Variants in RNF6 observed in about 807,000 individuals in gnomAD.
The protein encoded by RNF6 is E3 ubiquitin-protein ligase RNF6.
Under a neutral mutation model 50.1 loss-of-function variants are expected in RNF6, and 21 were observed. That is an observed-to-expected ratio of 0.42 (90% CI 0.30 to 0.60). The LOEUF (loss-of-function observed/expected upper bound fraction) is 0.60. RNF6 is among the 20% of genes least tolerant of loss of function. The pLI is 0.20. For missense variants in RNF6, 698 were observed against 838.2 expected (o/e 0.83, Z 2.07); for synonymous variants, 255 against 291.8 (o/e 0.87, Z 1.29).
chr13:26,136,430 A>G (rs1870649563), intron 5 of RNF6, among the ~76,000 whole-genome samples: 1 of 152,184 alleles, frequency 6.6e-6, no homozygotes, highest in African/African-American at 2.4e-5. Flanking sequence ...AGCAGACAAA[A>G]CTACACTTGA....
intron 5 of RNF6, among the ~76,000 whole-genome samples, chr13:26,187,635 A>G (rs1243285841): frequency 1.3e-5 from 2 of 152,204 alleles, no homozygotes; most frequent in African/African-American, 4.8e-5. Flanking sequence ...CCAAGGTCTT[A>G]TTGCCAATCA....
intron 5 of RNF6, among the ~76,000 whole-genome samples, chr13:26,163,824 G>C (rs1266475227): frequency 6.6e-6 from 1 of 152,150 alleles, no homozygotes; most frequent in African/African-American, 2.4e-5. Context: ...TTTGGAAAAT[G>C]GATTTTGAGA....
chr13:26,168,630 A>G (rs1284125379), intron 5 of RNF6, among the ~76,000 whole-genome samples: 2 of 152,204 alleles, frequency 1.3e-5, no homozygotes, highest in African/African-American at 4.8e-5. Context: ...TAGCCAGCTC[A>G]TCCTCTCCTT....
exon 6 of RNF6, chr13:26,132,248 G>A: frequency 3.4e-6 from 1 of 290,398 alleles, no homozygotes. Flanking sequence ...AATGTAATCA[G>A]TTGACAAAAC....
intron 5 of RNF6, among the ~76,000 whole-genome samples, chr13:26,153,447 C>T (rs192256419): frequency 3.6e-4 from 55 of 152,132 alleles, no homozygotes; most frequent in Middle Eastern, 3.4e-3. Flanking sequence ...CTCTTGACCC[C>T]GTGATCCACC....
In RNF6 at chr13:26,214,779, G is replaced by C; in HGVS notation, c.1103C>G (p.Ser368Cys). 1 of 1,614,178 alleles carries C rather than the reference G, an allele frequency of 6.2e-7. No individual in the cohort carries two copies. The highest frequency in any genetic ancestry group is 1.1e-5 in the South Asian group (1 of 91,084). Reference protein sequence around the residue: ...ERRGTAYTPFSNSRLVSRITV... With the variant: ...ERRGTAYTPFCNSRLVSRITV... ...TATTCTTGACACAAGCCTTGAATTA[G>C]AGAATGGGGTATATGCAGTACCTCT... The change falls in exon 5 of 5, where the codon TCT (serine) becomes TGT (cysteine). Residue 368 changes from serine (S) to cysteine (C), a missense_variant. By Grantham distance (112) the Ser-to-Cys change is moderately radical (BLOSUM62 -1). Coordinates refer to ENST00000381588, the MANE Select transcript of RNF6 (RefSeq NM_005977.4).
At chr13:26,141,394 C>A (rs1870940373) in intron 5 of RNF6, among the ~76,000 whole-genome samples, 3 of 148,164 alleles carry the variant, frequency 2.0e-5, no homozygotes, top group Admixed American at 6.8e-5. Flanking sequence ...TGCCACTGCA[C>A]TCCAGCCTGG....
At chr13:26,205,317 C>G (rs1412861862) in intron 5 of RNF6, among the ~76,000 whole-genome samples, 1 of 152,124 alleles carries the variant, frequency 6.6e-6, no homozygotes, top group African/African-American at 2.4e-5. Context: ...TTCTAACCAG[C>G]CACATGACCT....
At chr13:26,186,844 C>T (rs12430305) in intron 5 of RNF6, among the ~76,000 whole-genome samples, 2,718 of 151,354 alleles carry the variant, frequency 0.018, 69 homozygotes, top group South Asian at 0.045. Context: ...GTGGCGCGAT[C>T]TCGGCTCACT....
In RNF6 at chr13:26,176,393, G is replaced by A. The variant is rs549011199; in HGVS notation, n.768+39081C>T. 5.3e-5 allele frequency among the ~76,000 whole-genome samples: 8 copies of A among 152,096 alleles called. No individual in the cohort carries two copies. The South Asian group carries it at 1.2e-3, about 24-fold the overall frequency. ...TATCCTTGAACTCCTGAGCTCAAGC[G>A]ATCCTCCCACCTCGACCTTCCAAAG... On this transcript the variant is annotated intron_variant and non_coding_transcript_variant, in intron 5 of 5. Transcript: ENST00000468480.
chr13:26,141,363 G>T (rs1870938564), intron 5 of RNF6, among the ~76,000 whole-genome samples: 1 of 150,438 alleles, frequency 6.6e-6, no homozygotes. Context: ...GGGAGGTGGA[G>T]ATTGCAGTGA....
intron 5 of RNF6, among the ~76,000 whole-genome samples, chr13:26,174,709 A>T (rs539945861): frequency 6.6e-6 from 1 of 152,236 alleles, no homozygotes; most frequent in African/African-American, 2.4e-5. Context: ...TAATATCCTG[A>T]ATGTTGCCAC....
At chr13:26,219,256 T>A (rs1870219185) in intron 3 of RNF6, 7 of 494,312 alleles carry the variant, frequency 1.4e-5, no homozygotes, top group Non-Finnish European at 2.5e-5. Flanking sequence ...TAGTGCTCCA[T>A]GTCCCCTATT....
At chr13:26,166,835 A>C (rs983877528) in intron 5 of RNF6, among the ~76,000 whole-genome samples, 5 of 152,108 alleles carry the variant, frequency 3.3e-5, no homozygotes. Flanking sequence ...CATGAGAACC[A>C]CTTGAAACCA....
At chr13:26,169,052 T>C (rs1160740198) in intron 5 of RNF6, among the ~76,000 whole-genome samples, 1 of 152,116 alleles carries the variant, frequency 6.6e-6, no homozygotes, top group Non-Finnish European at 1.5e-5. Context: ...CGTTCACAGA[T>C]GTCAGCTGTG....
In RNF6 at chr13:26,184,027, T is replaced by A. The variant is rs1485251825; in HGVS notation, n.768+31447A>T. 4.4e-3 allele frequency among the ~76,000 whole-genome samples: 164 copies of A among 37,156 alleles called. 1 individual carries two copies. The highest frequency in any genetic ancestry group is 0.012 in the East Asian group (22 of 1,900). The allele number at this position is 37,156 out of a possible 152,430, so 24.4% of individuals were successfully genotyped here. On this transcript the variant is annotated intron_variant and non_coding_transcript_variant, in intron 5 of 5. Transcript: ENST00000468480. ...ATATATATATATATATATTTTTTTT[T>A]TTTTTTTTTTTTTTTTTGAGACAGA... is the stretch of plus-strand genomic sequence containing the variant.
chr13:26,136,329 G>A (rs530341874), intron 5 of RNF6, among the ~76,000 whole-genome samples: 2 of 152,268 alleles, frequency 1.3e-5, no homozygotes, highest in African/African-American at 4.8e-5. Context: ...AAATTATGTT[G>A]TTTTCTAAAA....
intron 5 of RNF6, among the ~76,000 whole-genome samples, chr13:26,167,731 A>G (rs756882798): frequency 4.6e-5 from 7 of 152,246 alleles, no homozygotes; most frequent in Non-Finnish European, 1.0e-4. Flanking sequence ...TTGTTCTACC[A>G]TAAAGACACA....
intron 5 of RNF6, among the ~76,000 whole-genome samples, chr13:26,178,810 G>A (rs1873098778): frequency 6.6e-6 from 1 of 151,856 alleles, no homozygotes; most frequent in South Asian, 2.1e-4. Flanking sequence ...TGAGCACCTG[G>A]CAGCCAGCAT....
Sources: allele counts gnomAD v4.1 joint callset (sites outside exome capture counted in the v4.1 genomes callset), GRCh38; gene constraint gnomAD v4.1.1; transcripts MANE v1.5; gene names NCBI Gene and HGNC (gene_info 2026-07-23, HGNC 2026-07-21).